Variants in SLC16A2 observed in about 807,000 individuals in gnomAD.
The protein encoded by SLC16A2 is monocarboxylate transporter 8.
Under a neutral mutation model 27.2 loss-of-function variants are expected in SLC16A2, and 3 were observed. The ratio of observed to expected loss-of-function variants is 0.11; its 90% CI spans 0.05 to 0.28. The LOEUF (loss-of-function observed/expected upper bound fraction) is 0.28. SLC16A2 is among the 10% of genes least tolerant of loss of function. The probability of loss-of-function intolerance (pLI) is 1.00; values close to 1 mark genes in which losing one functional copy is unlikely to be tolerated. For synonymous variants in SLC16A2, 202 were observed against 187.8 expected, an observed-to-expected ratio of 1.08 and a Z score of -0.62; for missense variants, 295 against 458.5, an observed-to-expected ratio of 0.64 and a Z score of 3.26.
intron 1 of SLC16A2, among the ~76,000 whole-genome samples, chrX:74,436,538 A>G (rs1928634761): frequency 8.9e-6 from 1 of 112,169 alleles, no homozygotes; most frequent in South Asian, 3.7e-4. Context: ...ACAGGAAGAT[A>G]GCAAGAGTAC....
chrX:74,500,332 C>G (rs1457745404), intron 1 of SLC16A2, among the ~76,000 whole-genome samples: 2 of 111,401 alleles, frequency 1.8e-5, no homozygotes. Flanking sequence ...GCTGGAAACT[C>G]CTGTATTACT....
intron 1 of SLC16A2, among the ~76,000 whole-genome samples, chrX:74,481,329 G>C (rs1929615640): frequency 3.6e-5 from 4 of 111,717 alleles, no homozygotes; most frequent in African/African-American, 1.3e-4. Context: ...GAAGACATTT[G>C]AGTTGGGGGT....
chrX:74,479,396 T>C (rs1372366724), intron 1 of SLC16A2, among the ~76,000 whole-genome samples: 1 of 111,540 alleles, frequency 9.0e-6, no homozygotes, highest in African/African-American at 3.3e-5. Context: ...TAATCTTTTT[T>C]CAAGGTTTTT....
chrX:74,496,074 A>G (rs1270608439), intron 1 of SLC16A2, among the ~76,000 whole-genome samples: 2 of 111,698 alleles, frequency 1.8e-5, no homozygotes. Flanking sequence ...AACTTTCCCC[A>G]GGAAACACAG....
At chrX:74,470,158 T>C in intron 1 of SLC16A2, among the ~76,000 whole-genome samples, 1 of 112,265 alleles carries the variant, frequency 8.9e-6, no homozygotes, top group Non-Finnish European at 1.9e-5. Flanking sequence ...AGCCAATTTC[T>C]TTTGAGTGCT....
At chrX:74,454,127 G>A (rs978917097) in intron 1 of SLC16A2, among the ~76,000 whole-genome samples, 2 of 111,335 alleles carry the variant, frequency 1.8e-5, no homozygotes, top group African/African-American at 6.5e-5. Context: ...CTACCACTGG[G>A]CAGACTGTAA....
In SLC16A2 at chrX:74,435,023, G is replaced by T. The variant is rs77462486; in HGVS notation, c.430+12956G>T. On this transcript the variant is annotated intron_variant, in intron 1 of 5. Coordinates refer to ENST00000587091, the MANE Select transcript of SLC16A2 (RefSeq NM_006517.5). ...ATTTTTTTTTTTTTAGTAGAGACGG[G>T]GTTTCACCATGTTGGTCAGGCTGGT... is the stretch of plus-strand genomic sequence containing the variant. Among the ~76,000 whole-genome samples the T allele has an allele frequency of 0.077, 8,238 of 107,312 alleles. 1,117 individuals carry two copies. The East Asian group carries it at 0.86, about 11-fold the overall frequency. The allele number at this position is 107,312 out of a possible 115,157, so 93.2% of individuals were successfully genotyped here.
intron 4 of SLC16A2, 86 bp downstream of exon 4, chrX:74,525,979 CTTG>C: frequency 9.5e-7 from 1 of 1,047,819 alleles, no homozygotes. Context: ...AGAATGGTAG[CTTG>C]TTGTGTCGCA....
chrX:74,436,783 T>C (rs984517734), intron 1 of SLC16A2, among the ~76,000 whole-genome samples: 3 of 110,965 alleles, frequency 2.7e-5, no homozygotes, highest in Non-Finnish European at 5.7e-5. Context: ...ATTTAGGGAG[T>C]TAGGGGTTTC....
intron 1 of SLC16A2, among the ~76,000 whole-genome samples, chrX:74,460,308 C>G (rs1299260511): frequency 1.8e-5 from 2 of 111,642 alleles, no homozygotes; most frequent in African/African-American, 6.5e-5. Flanking sequence ...AACTGACCAC[C>G]AACTGACCTT....
At chrX:74,432,079 T>C (rs1928543843) in intron 1 of SLC16A2, among the ~76,000 whole-genome samples, 1 of 111,760 alleles carries the variant, frequency 8.9e-6, no homozygotes, top group Admixed American at 9.6e-5. Flanking sequence ...TTTACAGCAC[T>C]TGGCAGGAGC....
intron 1 of SLC16A2, among the ~76,000 whole-genome samples, chrX:74,517,605 A>G (rs1463724122): frequency 3.6e-5 from 4 of 111,780 alleles, no homozygotes; most frequent in Non-Finnish European, 5.6e-5. Context: ...ATAACATCAG[A>G]TTTATTGAGA....
intron 1 of SLC16A2, among the ~76,000 whole-genome samples, chrX:74,450,278 G>A (rs946693212): frequency 1.8e-5 from 2 of 112,114 alleles, no homozygotes; most frequent in African/African-American, 6.5e-5. Flanking sequence ...AATGAATAAT[G>A]GCCGAACAGA....
intron 1 of SLC16A2, among the ~76,000 whole-genome samples, chrX:74,461,440 A>C (rs749175375): frequency 3.2e-4 from 35 of 109,131 alleles, no homozygotes; most frequent in African/African-American, 1.1e-3. Flanking sequence ...GCACGCGTGC[A>C]TGTGTGTCTG....
At chrX:74,476,163 G>T (rs1172114835) in intron 1 of SLC16A2, among the ~76,000 whole-genome samples, 1 of 111,806 alleles carries the variant, frequency 8.9e-6, no homozygotes, top group Non-Finnish European at 1.9e-5. Context: ...TCATCAAGCA[G>T]TGGTTTGTAG....
intron 1 of SLC16A2, among the ~76,000 whole-genome samples, chrX:74,513,001 G>T (rs944757218): frequency 1.8e-5 from 2 of 111,495 alleles, no homozygotes; most frequent in Non-Finnish European, 3.8e-5. Context: ...GGTAGGCCTT[G>T]TTACCGCTGA....
chrX:74,480,148 G>A (rs899570834), intron 1 of SLC16A2, among the ~76,000 whole-genome samples: 25 of 112,069 alleles, frequency 2.2e-4, no homozygotes, highest in Non-Finnish European at 3.6e-4. Flanking sequence ...GAGCTTCCTG[G>A]CCGCTTTGTT....
At chrX:74,505,871 A>G (rs1256139116) in intron 1 of SLC16A2, among the ~76,000 whole-genome samples, 2 of 111,883 alleles carry the variant, frequency 1.8e-5, no homozygotes, top group East Asian at 5.6e-4. Context: ...AGCTATAAGC[A>G]GGGCCCTATT....
At chrX:74,471,852 A>G (rs1174174922) in intron 1 of SLC16A2, among the ~76,000 whole-genome samples, 1 of 111,680 alleles carries the variant, frequency 9.0e-6, no homozygotes. Flanking sequence ...TCTGTCCCTA[A>G]GGATTTGATG....
Sources: gnomAD v4.1 joint callset for allele counts (sites outside exome capture counted in the v4.1 genomes callset) on GRCh38, gnomAD v4.1.1 for gene constraint, MANE v1.5 for transcripts, NCBI Gene and HGNC (gene_info 2026-07-23, HGNC 2026-07-21) for gene names.